Variants in HIBADH observed in about 807,000 individuals in gnomAD.
HIBADH encodes the protein 3-hydroxyisobutyrate dehydrogenase.
A neutral mutation model predicts 36.1 loss-of-function variants in HIBADH; 25 were observed. That is an observed-to-expected ratio of 0.69 (90% CI 0.50 to 0.97). The LOEUF is 0.97. Among genes scored for constraint, HIBADH ranks in the 50% least tolerant of loss-of-function variants. HIBADH has a pLI of 0.00. For synonymous variants in HIBADH, 160 were observed against 149.5 expected, an observed-to-expected ratio of 1.07 and a Z score of -0.51; for missense variants, 421 against 418.0, an observed-to-expected ratio of 1.01 and a Z score of -0.06.
chr7:27,526,228 CCT>C lies in HIBADH; in HGVS notation c.995_996del (p.Glu332GlyfsTer31), dbSNP rs1381056789. ...DFSSVFQFLR[E>X]EETF is the part of the protein sequence containing the mutation. Reference sequence around the variant, plus strand: ...AAAGGGCACACTCAGAAGGTCTCCTCCTCTCGTAGGAACTGGAACACGGATGA... The same window carrying C: ...AAAGGGCACACTCAGAAGGTCTCCTCCTCGTAGGAACTGGAACACGGATGA... On this transcript the variant is annotated frameshift_variant, in exon 8 of 8. Transcript: ENST00000265395. LOFTEE classifies it high-confidence loss of function. The C allele has an allele frequency of 1.2e-6, 2 of 1,610,722 alleles. No individual in the cohort carries two copies. The highest frequency in any genetic ancestry group is 1.7e-5 in the Admixed American group (1 of 59,564).
At chr7:27,595,833 A>G (rs1785025066) in intron 4 of HIBADH, among the ~76,000 whole-genome samples, 1 of 152,158 alleles carries the variant, frequency 6.6e-6, no homozygotes, top group Admixed American at 6.5e-5. Context: ...ATTAGCAATC[A>G]CTTTTTAAAA....
chr7:27,529,372 C>T lies in HIBADH; in HGVS notation c.852+1820G>A, dbSNP rs149232711. ...CTGAAACCTTATGAAAATAATTCACCATTCTAGATGCCATTAAGAATATTT... is the reference window on the plus strand; with the variant it reads ...CTGAAACCTTATGAAAATAATTCACTATTCTAGATGCCATTAAGAATATTT... On this transcript the variant is annotated intron_variant, in intron 7 of 7. Coordinates refer to ENST00000265395, the MANE Select transcript of HIBADH (RefSeq NM_152740.4). 7.9e-4 allele frequency among the ~76,000 whole-genome samples: 121 copies of T among 152,280 alleles called. 1 individual carries two copies. Among genetic ancestry groups the T allele is most frequent in the Non-Finnish European group, 1.4e-3 (94 of 68,032 alleles).
chr7:27,528,427 C>T (rs1211638961), intron 7 of HIBADH, among the ~76,000 whole-genome samples: 1 of 152,144 alleles, frequency 6.6e-6, no homozygotes, highest in African/African-American at 2.4e-5. Context: ...AGAAAAAATT[C>T]TTGAAGAAAA....
intron 4 of HIBADH, among the ~76,000 whole-genome samples, chr7:27,562,512 G>C (rs954387868): frequency 5.3e-5 from 8 of 152,182 alleles, no homozygotes; most frequent in South Asian, 2.1e-4. Flanking sequence ...TTAAAATTGA[G>C]ACAGGATCTT....
intron 4 of HIBADH, among the ~76,000 whole-genome samples, chr7:27,558,982 T>C (rs1007597914): frequency 6.6e-6 from 1 of 152,174 alleles, no homozygotes; most frequent in Non-Finnish European, 1.5e-5. Context: ...ATTTACTGTC[T>C]GACAGTCCTG....
At chr7:27,588,131 A>G (rs1159328360) in intron 4 of HIBADH, among the ~76,000 whole-genome samples, 1 of 152,230 alleles carries the variant, frequency 6.6e-6, no homozygotes, top group Non-Finnish European at 1.5e-5. Context: ...TGTTGATTAC[A>G]AAACTAAAAA....
intron 2 of HIBADH, among the ~76,000 whole-genome samples, chr7:27,641,506 A>G (rs1389987851): frequency 6.6e-6 from 1 of 152,230 alleles, no homozygotes; most frequent in Non-Finnish European, 1.5e-5. Flanking sequence ...AAAAAGTTTC[A>G]GAGTTTCACA....
At chr7:27,547,082 C>T (rs1253448908) in intron 4 of HIBADH, among the ~76,000 whole-genome samples, 2 of 152,200 alleles carry the variant, frequency 1.3e-5, no homozygotes, top group African/African-American at 4.8e-5. Flanking sequence ...CTACAAAGCC[C>T]TACATGATGT....
intron 4 of HIBADH, 132 bp downstream of exon 4, chr7:27,629,239 G>T: frequency 1.3e-6 from 1 of 777,126 alleles, no homozygotes; most frequent in Non-Finnish European, 2.0e-6. Context: ...GTATCAGTTT[G>T]GCTTTATTTT....
chr7:27,567,197 A>G (rs1265744121), intron 4 of HIBADH, among the ~76,000 whole-genome samples: 2 of 152,028 alleles, frequency 1.3e-5, no homozygotes, highest in East Asian at 3.9e-4. Flanking sequence ...TATTTCATGT[A>G]TTTTGAAGCT....
chr7:27,562,178 G>A (rs1157900421), intron 4 of HIBADH, among the ~76,000 whole-genome samples: 1 of 151,736 alleles, frequency 6.6e-6, no homozygotes, highest in Non-Finnish European at 1.5e-5. Context: ...TGATTCAGGA[G>A]TTGTTTCTGT....
At chr7:27,620,961 AC>A (rs1483897134) in intron 4 of HIBADH, among the ~76,000 whole-genome samples, 8 of 152,076 alleles carry the variant, frequency 5.3e-5, no homozygotes, top group Non-Finnish European at 4.4e-5. Context: ...AAAAAAAAAA[AC>A]AATCCAACTG....
intron 4 of HIBADH, among the ~76,000 whole-genome samples, chr7:27,591,925 CA>C (rs1208378888): frequency 2.0e-5 from 3 of 152,198 alleles, no homozygotes; most frequent in Non-Finnish European, 4.4e-5. Context: ...AGTGTCTTGT[CA>C]ATCGAGCTAA....
chr7:27,592,321 T>C (rs1784951084), intron 4 of HIBADH, among the ~76,000 whole-genome samples: 2 of 152,188 alleles, frequency 1.3e-5, no homozygotes, highest in South Asian at 4.1e-4. Flanking sequence ...GCAGAATGCA[T>C]GATACAAGAG....
At chr7:27,536,325 ATAAATTATT>A (rs1228274208) in intron 6 of HIBADH, among the ~76,000 whole-genome samples, 1 of 152,142 alleles carries the variant, frequency 6.6e-6, no homozygotes, top group Non-Finnish European at 1.5e-5. Context: ...CTAGAAACTT[ATAAATTATT>A]TTTAACAGTT....
intron 4 of HIBADH, among the ~76,000 whole-genome samples, chr7:27,568,916 T>TC (rs1554296619): frequency 0.023 from 2,380 of 102,232 alleles, 38 homozygotes; most frequent in South Asian, 0.1. Context: ...TTTTTTTTTT[T>TC]CCAAATTTTT....
chr7:27,655,396 T>C (rs1786280673), intron 1 of HIBADH, among the ~76,000 whole-genome samples: 1 of 152,130 alleles, frequency 6.6e-6, no homozygotes, highest in African/African-American at 2.4e-5. Context: ...AGCAATTTAC[T>C]TTCAAATGAT....
At chr7:27,602,184 A>G (rs1052706938) in intron 4 of HIBADH, among the ~76,000 whole-genome samples, 64 of 151,930 alleles carry the variant, frequency 4.2e-4, no homozygotes, top group Admixed American at 2.7e-3. Flanking sequence ...AAAAAAAAAA[A>G]GAGGATAATC....
chr7:27,612,948 A>G (rs1785347468), intron 4 of HIBADH, among the ~76,000 whole-genome samples: 1 of 140,230 alleles, frequency 7.1e-6, no homozygotes, highest in Non-Finnish European at 1.5e-5. Context: ...CTCCAAAAAA[A>G]TATATATATA....
Sources: gnomAD v4.1 joint callset for allele counts (sites outside exome capture counted in the v4.1 genomes callset) on GRCh38, gnomAD v4.1.1 for gene constraint, MANE v1.5 for transcripts, NCBI Gene and HGNC (gene_info 2026-07-23, HGNC 2026-07-21) for gene names.